CWF19L2: variants seen among roughly 807,000 people sequenced by gnomAD.
CWF19L2 encodes the protein CWF19-like protein 2.
A neutral mutation model predicts 111.7 loss-of-function variants in CWF19L2; 98 were observed. The ratio of observed to expected loss-of-function variants is 0.88; its 90% CI spans 0.75 to 1.04. CWF19L2 has a LOEUF of 1.04. CWF19L2 is among the 50% of genes least tolerant of loss of function. CWF19L2 has a pLI of 0.00. For synonymous variants in CWF19L2, 351 were observed against 342.9 expected, an observed-to-expected ratio of 1.02 and a Z score of -0.26; for missense variants, 1,101 against 1,051.4, an observed-to-expected ratio of 1.05 and a Z score of -0.65.
intron 13 of CWF19L2, among the ~76,000 whole-genome samples, chr11:107,350,373 A>T (rs747141088): frequency 6.6e-6 from 1 of 152,148 alleles, no homozygotes; most frequent in African/African-American, 2.4e-5. Flanking sequence ...CAAGGTGATA[A>T]TATTTGGAGG....
At position 107,402,174 on chromosome 11, in the gene CWF19L2, A is replaced by G. The variant is rs527631305; in HGVS notation, c.1618-9279T>C. On this transcript the variant is annotated intron_variant, in intron 10 of 17. Transcript: ENST00000282251. ...AACCCTTCTAGACATTGGCTTAGGAAAGCATTTCATGACCAAGAACCCAAA... is the reference window on the plus strand; with the variant it reads ...AACCCTTCTAGACATTGGCTTAGGAGAGCATTTCATGACCAAGAACCCAAA... 1.8e-3 allele frequency among the ~76,000 whole-genome samples: 272 copies of G among 152,322 alleles called. 1 individual carries two copies. The highest frequency in any genetic ancestry group is 5.8e-3 in the Admixed American group (89 of 15,300).
At chr11:107,392,620 A>AT (rs1343844555) in intron 11 of CWF19L2, among the ~76,000 whole-genome samples, 159 bp downstream of exon 11, 8 of 152,222 alleles carry the variant, frequency 5.3e-5, no homozygotes, top group African/African-American at 1.9e-4. Flanking sequence ...GCAAAGAGAT[A>AT]TAACTAAGAA....
At chr11:107,402,568 A>T (rs1309384103) in intron 10 of CWF19L2, among the ~76,000 whole-genome samples, 1 of 152,026 alleles carries the variant, frequency 6.6e-6, no homozygotes, top group East Asian at 1.9e-4. Flanking sequence ...ATAATCAAAA[A>T]ATCGAAAAAC....
chr11:107,334,478 T>C (rs1457319681), intron 16 of CWF19L2, among the ~76,000 whole-genome samples: 1 of 152,072 alleles, frequency 6.6e-6, no homozygotes, highest in East Asian at 1.9e-4. Context: ...AGAAAATGAG[T>C]TCCAAATTCA....
chr11:107,371,622 T>C (rs1010859033), intron 12 of CWF19L2, among the ~76,000 whole-genome samples: 1 of 137,964 alleles, frequency 7.2e-6, no homozygotes, highest in African/African-American at 2.9e-5. Context: ...TGAAAGAATA[T>C]CATCATTTTT....
In CWF19L2 at chr11:107,340,701, C is replaced by A. The variant is rs182226842; in HGVS notation, c.2203-3988G>T. Among the ~76,000 whole-genome samples, 666 of 152,192 alleles carry A rather than the reference C, an allele frequency of 4.4e-3. 1 individual carries two copies. The highest frequency in any genetic ancestry group is 7.1e-3 in the Non-Finnish European group (483 of 68,012). On this transcript the variant is annotated intron_variant, in intron 14 of 17. Transcript: ENST00000282251. ...TTTCCATATAAAGTTTAGAATAATT[C>A]TATCTATACCTACAAAAAAATCTTG...
rs554798697 is a variant in CWF19L2 at position 107,387,321 on chromosome 11, T to C, written c.1872+2753A>G. 1.1e-3 allele frequency among the ~76,000 whole-genome samples: 172 copies of C among 152,182 alleles called. 1 individual carries two copies. Among genetic ancestry groups the C allele is most frequent in the African/African-American group, 4.1e-3 (169 of 41,506 alleles). ...CCATCCATGGCTCTATCTGAACTAA[T>C]ATAATACTCTCCTTCTAAGTGATCT... On this transcript the variant is annotated intron_variant, in intron 12 of 17. Transcript: ENST00000282251.
intron 12 of CWF19L2, among the ~76,000 whole-genome samples, chr11:107,372,128 G>C (rs1860519450): frequency 7.4e-6 from 1 of 134,972 alleles, no homozygotes; most frequent in Non-Finnish European, 1.6e-5. Flanking sequence ...TTATGTGTTA[G>C]TGACTATACT....
chr11:107,399,511 A>G (rs1860970805), intron 10 of CWF19L2, among the ~76,000 whole-genome samples: 1 of 152,244 alleles, frequency 6.6e-6, no homozygotes, highest in Non-Finnish European at 1.5e-5. Context: ...GCCTTGTCCA[A>G]CAGGAAAATA....
At chr11:107,439,801 G>A (rs76507571) in intron 5 of CWF19L2, among the ~76,000 whole-genome samples, 1,955 of 152,268 alleles carry the variant, frequency 0.013, 34 homozygotes, top group African/African-American at 0.044. Flanking sequence ...TCAGGGACTG[G>A]GCCACGTGAG....
At chr11:107,334,071 T>G (rs1393190795) in intron 16 of CWF19L2, among the ~76,000 whole-genome samples, 1 of 152,138 alleles carries the variant, frequency 6.6e-6, no homozygotes, top group Non-Finnish European at 1.5e-5. Flanking sequence ...AGGGCTTGAG[T>G]TGCCAACCCC....
At chr11:107,397,215 G>A (rs1211874901) in intron 10 of CWF19L2, among the ~76,000 whole-genome samples, 2 of 152,166 alleles carry the variant, frequency 1.3e-5, no homozygotes, top group Admixed American at 1.3e-4. Flanking sequence ...TTCACAGGCA[G>A]GGTAAGAACT....
chr11:107,457,707 G>C lies in CWF19L2; in HGVS notation c.105+5C>G, dbSNP rs564945773. 6.5e-7 allele frequency: 1 copy of C among 1,547,380 alleles called. No homozygotes were observed. The highest frequency in any genetic ancestry group is 8.7e-7 in the Non-Finnish European group (1 of 1,143,206). Reference sequence around the variant, plus strand: ...ATAACTACAAAAGCCCCAAAACAGAGGTACCTGGCGCAACACCTCGGCCCT... The same window carrying C: ...ATAACTACAAAAGCCCCAAAACAGACGTACCTGGCGCAACACCTCGGCCCT... On this transcript the variant is annotated splice_donor_5th_base_variant and intron_variant, in intron 1 of 17. Transcript: ENST00000282251.
chr11:107,394,587 C>T (rs768412105), intron 10 of CWF19L2, among the ~76,000 whole-genome samples: 2 of 152,206 alleles, frequency 1.3e-5, no homozygotes, highest in South Asian at 2.1e-4. Flanking sequence ...CACATTCATT[C>T]ATTATTCATT....
At chr11:107,372,411 G>A (rs1860523931) in intron 12 of CWF19L2, among the ~76,000 whole-genome samples, 1 of 135,912 alleles carries the variant, frequency 7.4e-6, no homozygotes, top group African/African-American at 3.0e-5. Flanking sequence ...GTCTGTGGCA[G>A]CAGAAAGCAC....
chr11:107,441,538 T>A lies in CWF19L2; in HGVS notation c.535A>T (p.Lys179Ter), dbSNP rs1353290341. The stretch of plus-strand genomic sequence containing the variant: ...GCTTGGTTTTTCTCTTGCTCTATTT[T>A]CCTCATAGTTTCCTTTTCAGCTTTG... ...SLKAEKETMRKIEQEKNQALE... is the reference protein window; with the variant it reads ...SLKAEKETMR Residue 179 changes from lysine (K) to a stop codon, truncating the protein, a stop_gained, in exon 5 of 18, where the codon AAA becomes TAA. Transcript: ENST00000282251. LOFTEE classifies it high-confidence loss of function. 6.5e-7 allele frequency: 1 copy of A among 1,549,360 alleles called. No individual in the cohort carries two copies. Among genetic ancestry groups the A allele is most frequent in the African/African-American group, 1.4e-5 (1 of 73,156 alleles).
intron 10 of CWF19L2, among the ~76,000 whole-genome samples, chr11:107,408,295 T>C (rs1039431993): frequency 1.3e-5 from 2 of 151,926 alleles, no homozygotes; most frequent in African/African-American, 4.8e-5. Context: ...AGAAGGTAAC[T>C]ACATGAAAAA....
At chr11:107,424,750 G>A (rs914376178) in intron 8 of CWF19L2, among the ~76,000 whole-genome samples, 4 of 151,788 alleles carry the variant, frequency 2.6e-5, no homozygotes, top group Admixed American at 2.6e-4. Context: ...TTTATTAGTA[G>A]ATGAGGATAA....
rs1263963165 is a variant in CWF19L2 at position 107,392,774 on chromosome 11, C to A, written c.1734+5G>T. The stretch of plus-strand genomic sequence containing the variant: ...TTAATAAACAAAGACATATGTTAAA[C>A]ATACCATCTGTCTCTTTCTTCTTCC... On this transcript the variant is annotated splice_donor_5th_base_variant and intron_variant, in intron 11 of 17. Transcript: ENST00000282251. The A allele has an allele frequency of 6.7e-7, 1 of 1,499,638 alleles. No homozygotes were observed. Among genetic ancestry groups the A allele is most frequent in the African/African-American group, 1.4e-5 (1 of 71,300 alleles). 92.9% of individuals were successfully genotyped at this position (1,499,638 alleles called of 1,614,324 possible). A position where few individuals can be genotyped will look rare whatever the true frequency, so the allele number is the denominator to read the frequency against.
Sources: gnomAD v4.1 joint callset for allele counts (sites outside exome capture counted in the v4.1 genomes callset) on GRCh38, gnomAD v4.1.1 for gene constraint, MANE v1.5 for transcripts, NCBI Gene and HGNC (gene_info 2026-07-23, HGNC 2026-07-21) for gene names.